The following MROH2A variants were observed in gnomAD, a reference collection of about 807,000 sequenced individuals.
MROH2A encodes maestro heat like repeat family member 2A.
A neutral mutation model predicts 200.4 loss-of-function variants in MROH2A; 174 were observed. That is an observed-to-expected ratio of 0.87 (90% CI 0.77 to 0.98). The LOEUF (loss-of-function observed/expected upper bound fraction) is 0.98. MROH2A is among the 50% of genes least tolerant of loss of function. The probability of loss-of-function intolerance (pLI) is 0.00; values close to 1 mark genes in which losing one functional copy is unlikely to be tolerated. For synonymous variants in MROH2A, 829 were observed against 840.4 expected (o/e 0.99, Z 0.23); for missense variants, 2,045 against 2,139.6 (o/e 0.96, Z 0.87).
rs1359650701 is a variant in MROH2A, at chr2:233,818,657, C to CGT, written c.3091_3092insGT (p.Gln1031ArgfsTer64). 1 of 1,545,714 alleles carries CGT rather than the reference C, an allele frequency of 6.5e-7. No individual in the cohort carries two copies. The highest frequency in any genetic ancestry group is 2.5e-5 in the East Asian group (1 of 40,812). On this transcript the variant is annotated frameshift_variant, in exon 29 of 42. Coordinates refer to ENST00000389758, the MANE Select transcript of MROH2A (RefSeq NM_001394639.1). LOFTEE classifies it high-confidence loss of function. ...TGAAGTTGTATTCCCGACAGCAAGCCAGACCTGCTCCTTGTGGGGCCCTTC... is the reference window on the plus strand; with the variant it reads ...TGAAGTTGTATTCCCGACAGCAAGCCGTAGACCTGCTCCTTGTGGGGCCCTTC...
chr2:233,824,502 G>T, intron 35 of MROH2A, among the ~76,000 whole-genome samples: 1 of 152,208 alleles, frequency 6.6e-6, no homozygotes, highest in East Asian at 1.9e-4. Flanking sequence ...GTCTCACCCA[G>T]GACCTGTCCT....
rs1703771506 is a variant in MROH2A, at chr2:233,819,300, AC to A, written c.3205-14del. ...AGTGGCAGGGGAGGGCAGGGGAGTC[AC>A]CCGCTCTGCTCCTAGGTGGTCTGCA... is the stretch of plus-strand genomic sequence containing the variant. On this transcript the variant is annotated splice_polypyrimidine_tract_variant and intron_variant, in intron 29 of 41. Transcript: ENST00000389758. 1 of 1,546,736 alleles carries A rather than the reference AC, an allele frequency of 6.5e-7. No individual in the cohort carries two copies. Among genetic ancestry groups the A allele is most frequent in the South Asian group, 1.2e-5 (1 of 83,578 alleles).
Position 233,820,201 on chromosome 2 carries a change from C to T in MROH2A, c.3512+145C>T, listed in dbSNP as rs565044367. ...AGGTCGAAGCCCTCTTCCTGTACCTCCTGCAGGAGGTGCCAGCCTCCGACG... is the reference window on the plus strand; with the variant it reads ...AGGTCGAAGCCCTCTTCCTGTACCTTCTGCAGGAGGTGCCAGCCTCCGACG... On this transcript the variant is annotated intron_variant, in intron 31 of 41. Transcript: ENST00000389758. This position sits in a 1 kb window ranked among gnomAD's most constrained non-coding sequence, Gnocchi z 4.1. The T allele has an allele frequency of 5.8e-4, 392 of 675,314 alleles. 2 individuals are homozygous for T. The African/African-American group carries it at 6.4e-3, about 11-fold the overall frequency. The allele number at this position is 675,314 out of a possible 1,614,324, so 41.8% of individuals were successfully genotyped here.
At chr2:233,776,088 C>T (rs1408379770), upstream of MROH2A, among the ~76,000 whole-genome samples, 5 of 152,144 alleles carry the variant, frequency 3.3e-5, no homozygotes, top group East Asian at 9.6e-4. Flanking sequence ...ATTACCCAGT[C>T]CTGGGTATTT....
rs11563236 is a variant in MROH2A, at chr2:233,818,079, C to T, written c.3039C>T (p.Thr1013=). The T allele has an allele frequency of 5.8e-3, 8,934 of 1,550,962 alleles. 408 individuals carry two copies. In the African/African-American group the frequency reaches 0.1, roughly 18 times the overall value. The change falls in exon 28 of 42, where the codon ACC becomes ACT. Residue 1013 remains threonine, a synonymous_variant. Coordinates refer to ENST00000389758, the MANE Select transcript of MROH2A (RefSeq NM_001394639.1). ...GCACCTGTGATGCCCATCAAAGAACCCGCATGGCCTCAATGAATGTCCTGT... is the reference window on the plus strand; with the variant it reads ...GCACCTGTGATGCCCATCAAAGAACTCGCATGGCCTCAATGAATGTCCTGT... ...APCTCDAHQR[T]RMASMNVLSS...
intron 34 of MROH2A, 53 bp from the exon 35 acceptor site, chr2:233,823,503 G>A (rs1704093682): frequency 5.9e-6 from 9 of 1,526,224 alleles, no homozygotes; most frequent in East Asian, 2.5e-5. Flanking sequence ...CTTGGCAAAC[G>A]TCAGGCAGGG....
At chr2:233,792,555 C>T (rs561185637) in intron 5 of MROH2A, among the ~76,000 whole-genome samples, 70 of 152,232 alleles carry the variant, frequency 4.6e-4, no homozygotes, top group Non-Finnish European at 6.2e-4. Flanking sequence ...CCTCGTGATC[C>T]GCCCACCTTG....
chr2:233,795,824 C>G lies in MROH2A; in HGVS notation c.1059+79C>G. ...AAGCTGGCGGCGGGAGGTGGCCTGG[C>G]CCACAACTCACTCGCGTGCTTCCTT... On this transcript the variant is annotated intron_variant, in intron 9 of 41. Coordinates refer to ENST00000389758, the MANE Select transcript of MROH2A (RefSeq NM_001394639.1). 1.9e-6 allele frequency: 3 copies of G among 1,548,764 alleles called. No individual in the cohort carries two copies. In the South Asian group the frequency reaches 3.6e-5, roughly 18 times the overall value.
At chr2:233,812,235 T>G (rs1482924335) in intron 24 of MROH2A, among the ~76,000 whole-genome samples, 1 of 152,206 alleles carries the variant, frequency 6.6e-6, no homozygotes, top group East Asian at 1.9e-4. Flanking sequence ...TTGGGGATAT[T>G]TTGAGCAAAA....
At chr2:233,809,094 C>T (rs753297882) in intron 21 of MROH2A, 32 bp from the exon 22 acceptor site, 3 of 1,536,750 alleles carry the variant, frequency 2.0e-6, no homozygotes, top group South Asian at 2.4e-5. Flanking sequence ...CCCTGCTGCC[C>T]CCAGTGGTTC....
intron 3 of MROH2A, among the ~76,000 whole-genome samples, chr2:233,786,431 T>C (rs1324321618): frequency 6.6e-6 from 1 of 152,252 alleles, no homozygotes; most frequent in Non-Finnish European, 1.5e-5. Context: ...TTGTGTCTTC[T>C]GCTTCTTTTA....
At chr2:233,798,482 G>A (rs1189935091) in intron 11 of MROH2A, among the ~76,000 whole-genome samples, 1 of 152,212 alleles carries the variant, frequency 6.6e-6, no homozygotes, top group African/African-American at 2.4e-5. Flanking sequence ...CCAGTGCTCT[G>A]TGCCCAGCTG....
chr2:233,814,235 A>G (rs1703363198), intron 25 of MROH2A, among the ~76,000 whole-genome samples: 1 of 152,158 alleles, frequency 6.6e-6, no homozygotes, highest in Non-Finnish European at 1.5e-5. Context: ...CACCCATGCA[A>G]GGAGTCCTGG....
At position 233,814,505 on chromosome 2, in the gene MROH2A, G is replaced by T. The variant is rs79604842; in HGVS notation, c.2761-77G>T. ...GTGGATGACTGCCAGACCCCTCCCT[G>T]GCATGAACTCCCTGCAGGGAGGGGG... On this transcript the variant is annotated intron_variant, in intron 25 of 41. Coordinates refer to ENST00000389758, the MANE Select transcript of MROH2A (RefSeq NM_001394639.1). 10,267 of 1,018,718 alleles carry T rather than the reference G, an allele frequency of 0.01. 592 individuals are homozygous for T. In the East Asian group the frequency reaches 0.16, roughly 16 times the overall value. 63.1% of individuals were successfully genotyped at this position (1,018,718 alleles called of 1,614,324 possible). A position where few individuals can be genotyped will look rare whatever the true frequency, so the allele number is the denominator to read the frequency against.
At chr2:233,806,444 A>T (rs914332611) in intron 19 of MROH2A, among the ~76,000 whole-genome samples, 1 of 152,208 alleles carries the variant, frequency 6.6e-6, no homozygotes, top group African/African-American at 2.4e-5. Flanking sequence ...CCAAATATAA[A>T]ACAAAATTCT....
At chr2:233,811,739 C>A (rs915781783) in intron 23 of MROH2A, 141 bp from the exon 24 acceptor site, 8 of 651,358 alleles carry the variant, frequency 1.2e-5, no homozygotes, top group Admixed American at 4.7e-5. Flanking sequence ...ATGCCAAAAG[C>A]CAAATGGCCC....
intron 11 of MROH2A, 64 bp from the exon 12 acceptor site, chr2:233,798,710 G>A (rs937256175): frequency 2.3e-5 from 28 of 1,223,150 alleles, no homozygotes; most frequent in East Asian, 5.1e-5. Flanking sequence ...CCCTGATGTG[G>A]GACGAGCCAC....
intron 28 of MROH2A, 106 bp downstream of exon 28, chr2:233,818,231 C>A: frequency 7.3e-7 from 1 of 1,372,286 alleles, no homozygotes; most frequent in Non-Finnish European, 9.9e-7. Flanking sequence ...GGCCTCTGTG[C>A]AGGCAGGCAT....
At chr2:233,789,174 C>A (rs943293879) in intron 3 of MROH2A, among the ~76,000 whole-genome samples, 3 of 152,178 alleles carry the variant, frequency 2.0e-5, no homozygotes, top group African/African-American at 7.2e-5. Flanking sequence ...GCAAGGTGAG[C>A]CTGCCTTCTT....
Sources: allele counts gnomAD v4.1 joint callset (sites outside exome capture counted in the v4.1 genomes callset), GRCh38; gene constraint gnomAD v4.1.1; non-coding constraint Gnocchi (gnomAD v3.1); transcripts MANE v1.5; gene names NCBI Gene and HGNC (gene_info 2026-07-23, HGNC 2026-07-21).